Variants in PMS2 observed in about 807,000 individuals in gnomAD.
PMS2 encodes PMS1 homolog 2, mismatch repair system component.
Under a neutral mutation model 90.0 loss-of-function variants are expected in PMS2, and 69 were observed. That is an observed-to-expected ratio of 0.77 (90% CI 0.63 to 0.94). PMS2 has a LOEUF of 0.94. PMS2 is among the 40% of genes least tolerant of loss of function. The pLI is 0.00. For missense variants in PMS2, 966 were observed against 1,040.2 expected (o/e 0.93, Z 0.98); for synonymous variants, 332 against 375.1 (o/e 0.89, Z 1.33).
intron 4 of PMS2, chr7:6,003,392 A>G: frequency 4.0e-6 from 1 of 252,544 alleles, no homozygotes; most frequent in Non-Finnish European, 7.5e-6. Context: ...TTTCCCTAAA[A>G]ATTGATAATG....
rs2128750220 is a variant in PMS2 at position 5,990,246 on chromosome 7, G to A, written c.989-291C>T. 2.6e-5 allele frequency among the ~76,000 whole-genome samples: 4 copies of A among 152,330 alleles called. No individual in the cohort carries two copies. The South Asian group carries it at 8.3e-4, about 32-fold the overall frequency. On this transcript the variant is annotated intron_variant, in intron 9 of 14. Coordinates refer to ENST00000265849, the MANE Select transcript of PMS2 (RefSeq NM_000535.7). ...TGGTCTCGAACTCACAACCTCAAGT[G>A]ATCCACCCGCCTTGGCCTCCCAAAG... is the stretch of plus-strand genomic sequence containing the variant.
intron 1 of PMS2, among the ~76,000 whole-genome samples, chr7:6,007,841 A>G (rs193226915): frequency 2.3e-4 from 35 of 149,242 alleles, no homozygotes; most frequent in Middle Eastern, 7.0e-3. Flanking sequence ...ACTATAGGCT[A>G]CAGGTCCACT....
intron 4 of PMS2, among the ~76,000 whole-genome samples, chr7:6,003,007 T>G (rs1785275307): frequency 6.6e-6 from 1 of 152,092 alleles, no homozygotes; most frequent in Non-Finnish European, 1.5e-5. Flanking sequence ...AAAATGTATA[T>G]GTAGGGCAGA....
intron 10 of PMS2, among the ~76,000 whole-genome samples, chr7:5,988,095 T>C (rs1321801169): frequency 2.2e-5 from 2 of 90,966 alleles, no homozygotes; most frequent in Non-Finnish European, 4.6e-5. Context: ...CACAATGCAA[T>C]ATGGCCATAT....
chr7:6,009,067 G>A (rs886062402), upstream of PMS2: 17 of 1,601,050 alleles, frequency 1.1e-5, no homozygotes, highest in Non-Finnish European at 1.5e-5. Context: ...TTCCCTCCAG[G>A]GCTCCCACAG....
At position 5,999,259 on chromosome 7, in the gene PMS2, A is replaced by T; in HGVS notation, c.554T>A (p.Val185Asp). The T allele has an allele frequency of 6.2e-7, 1 of 1,613,962 alleles. No homozygotes were observed. Among genetic ancestry groups the T allele is most frequent in the Non-Finnish European group, 8.5e-7 (1 of 1,179,918 alleles). ...RNIKKEYAKM[V>D]QVLHAYCIIS... ...GATACAGTATGCATGTAAGACCTGG[A>T]CCATTTTGGCATACTCCTGTTTAAA... The change falls in exon 6 of 15, where the codon GTC (valine) becomes GAC (aspartate). Residue 185 changes from valine (V) to aspartate (D), a missense_variant. Val to Asp is a radical substitution (Grantham distance 152, BLOSUM62 -3). This residue lies in a region of PMS2 where 871 missense variants were observed against 802.4 expected (regional missense o/e 1.09). Coordinates refer to ENST00000265849, the MANE Select transcript of PMS2 (RefSeq NM_000535.7).
At chr7:5,997,552 T>A in intron 6 of PMS2, 129 bp from the exon 7 acceptor site, 1 of 668,512 alleles carries the variant, frequency 1.5e-6, no homozygotes, top group Non-Finnish European at 2.7e-6. Context: ...TTTTGTTTTG[T>A]TTTGTTTTTT....
chr7:5,999,355 C>G (rs148728760), intron 5 of PMS2, 80 bp from the exon 6 acceptor site: 2 of 1,253,412 alleles, frequency 1.6e-6, no homozygotes, highest in Admixed American at 3.4e-5. Flanking sequence ...CAACATCCAA[C>G]GCAAGGTTCT....
rs1583375182 is a variant in PMS2, at chr7:5,997,405, A to AAGGAATG, written c.717_723dup (p.Phe242HisfsTer9). On this transcript the variant is annotated frameshift_variant, in exon 7 of 15. Coordinates refer to ENST00000265849, the MANE Select transcript of PMS2 (RefSeq NM_000535.7). LOFTEE classifies it high-confidence loss of function. Reference sequence around the variant, plus strand: ...GAGTCACTAGGGGGCAGCTGAACAAAAGGAATGAGGCTTTGCAACTGAAAA... The same window carrying AAGGAATG: ...GAGTCACTAGGGGGCAGCTGAACAAAAGGAATGAGGAATGAGGCTTTGCAACTGAAAA... 6.3e-7 allele frequency: 1 copy of AAGGAATG among 1,596,398 alleles called. No individual in the cohort carries two copies. The highest frequency in any genetic ancestry group is 1.7e-5 in the Admixed American group (1 of 58,808).
intron 10 of PMS2, among the ~76,000 whole-genome samples, chr7:5,988,092 C>A (rs1783262102): frequency 6.9e-6 from 1 of 143,964 alleles, no homozygotes; most frequent in South Asian, 2.2e-4. Flanking sequence ...CAACACAATG[C>A]AATATGGCCA....
intron 8 of PMS2, among the ~76,000 whole-genome samples, chr7:5,993,213 T>C (rs1005924194): frequency 6.6e-6 from 1 of 151,242 alleles, no homozygotes; most frequent in African/African-American, 2.4e-5. Context: ...TCTACTCAAA[T>C]ACAAAAAATT....
At chr7:5,979,426 A>C (rs1782095933) in intron 12 of PMS2, among the ~76,000 whole-genome samples, 1 of 148,618 alleles carries the variant, frequency 6.7e-6, no homozygotes. Flanking sequence ...CTACAAAAGT[A>C]GTTTGCTTTT....
In PMS2 at chr7:5,989,799, C is replaced by T. The variant is rs373885654; in HGVS notation, c.1144+1G>A. 1.2e-6 allele frequency: 2 copies of T among 1,610,648 alleles called. No individual in the cohort carries two copies. Among genetic ancestry groups the T allele is most frequent in the African/African-American group, 1.3e-5 (1 of 74,846 alleles). ...CTGTTTGTACACTGTATTTTTCTTA[C>T]CTTCAACATCCAGCAGTGGCTGCTG... On this transcript the variant is annotated splice_donor_variant, in intron 10 of 14. Transcript: ENST00000265849. LOFTEE classifies it high-confidence loss of function.
intron 5 of PMS2, chr7:6,002,212 T>G: frequency 2.5e-6 from 1 of 404,964 alleles, no homozygotes; most frequent in Non-Finnish European, 4.6e-6. Flanking sequence ...TTTTAAAATT[T>G]TTCATAGAGA....
rs539641087 is a variant in PMS2, at chr7:5,986,703, AAAT to A, written c.2006+53_2006+55del. The stretch of plus-strand genomic sequence containing the variant: ...CAAGACTCTGTCTCAAAAAAATAAA[AAAT>A]AAAAATAAAAATTTTAGATAAAAAG... On this transcript the variant is annotated intron_variant, in intron 11 of 14. Coordinates refer to ENST00000265849, the MANE Select transcript of PMS2 (RefSeq NM_000535.7). The A allele has an allele frequency of 1.1e-4, 146 of 1,352,820 alleles. 1 individual carries two copies. In the East Asian group the frequency reaches 3.7e-3, roughly 34 times the overall value. 83.8% of individuals were successfully genotyped at this position (1,352,820 alleles called of 1,614,324 possible).
At chr7:5,986,719 T>A in intron 11 of PMS2, 40 bp downstream of exon 11, 1 of 1,430,022 alleles carries the variant, frequency 7.0e-7, no homozygotes. Context: ...AAATAAAAAT[T>A]TTAGATAAAA....
chr7:6,005,259 C>T (rs907056415), intron 2 of PMS2, among the ~76,000 whole-genome samples: 4 of 152,104 alleles, frequency 2.6e-5, no homozygotes, highest in African/African-American at 9.7e-5. Flanking sequence ...GGCTGGCATG[C>T]AGTGGCACGA....
In PMS2 at chr7:5,999,206, T is replaced by A. The variant is rs730881907; in HGVS notation, c.607A>T (p.Thr203Ser). 6.2e-7 allele frequency: 1 copy of A among 1,614,064 alleles called. No individual in the cohort carries two copies. The highest frequency in any genetic ancestry group is 8.5e-7 in the Non-Finnish European group (1 of 1,179,980). Residue 203 changes from threonine (T) to serine (S), a missense_variant, in exon 6 of 15, where the codon ACC (threonine) becomes TCC (serine). Physicochemically the swap from Thr to Ser is moderately conservative, Grantham distance 58. Coordinates refer to ENST00000265849, the MANE Select transcript of PMS2 (RefSeq NM_000535.7). Reference sequence around the variant, plus strand: ...CGTTTTCCTTGTCCAAGCTGATTGGTGCAACTTACACGGATGCCTGCTGAA... The same window carrying A: ...CGTTTTCCTTGTCCAAGCTGATTGGAGCAACTTACACGGATGCCTGCTGAA... ...IISAGIRVSC[T>S]NQLGQGKRQP...
Position 5,981,068 on chromosome 7 carries a change from T to C in PMS2, c.2174+1756A>G, listed in dbSNP as rs182250468. ...GTTTAATTTCCCACACGAAAATCCA[T>C]GACCTCTTCTTCTAACTTTGCTGAA... On this transcript the variant is annotated intron_variant, in intron 12 of 14. Transcript: ENST00000265849. Among the ~76,000 whole-genome samples the C allele has an allele frequency of 3.3e-3, 499 of 151,924 alleles. 11 individuals carry two copies. Among genetic ancestry groups the C allele is most frequent in the African/African-American group, 0.011 (449 of 41,190 alleles).
Sources: allele counts gnomAD v4.1 joint callset (sites outside exome capture counted in the v4.1 genomes callset), GRCh38; gene constraint gnomAD v4.1.1; regional missense constraint gnomAD v4.1.1; transcripts MANE v1.5; gene names NCBI Gene and HGNC (gene_info 2026-07-23, HGNC 2026-07-21).